TRPM3: variants seen among roughly 807,000 people sequenced by gnomAD.
The protein encoded by TRPM3 is long transient receptor potential channel 3.
TRPM3 carries 77 observed loss-of-function variants against 181.2 expected under a neutral mutation model. The observed-to-expected ratio is 0.42, with a 90% CI of 0.35 to 0.51. TRPM3 has a LOEUF of 0.51. TRPM3 is among the 20% of genes least tolerant of loss of function. The pLI is 0.01. For synonymous variants in TRPM3, 745 were observed against 796.4 expected (o/e 0.94, Z 1.09); for missense variants, 1,759 against 2,196.7 (o/e 0.80, Z 3.98).
chr9:71,415,901 A>T (rs2093630097), intron 1 of TRPM3, among the ~76,000 whole-genome samples: 1 of 151,890 alleles, frequency 6.6e-6, no homozygotes, highest in African/African-American at 2.4e-5. Context: ...AAAAACACTC[A>T]CCCTAAAACT....
At chr9:71,032,049 TTA>T (rs2057485639) in intron 1 of TRPM3, among the ~76,000 whole-genome samples, 1 of 10,222 alleles carries the variant, frequency 9.8e-5, no homozygotes, top group African/African-American at 7.3e-4. Flanking sequence ...TATATATATA[TTA>T]TATATATTAT....
intron 1 of TRPM3, among the ~76,000 whole-genome samples, chr9:71,172,250 A>T (rs2076903347): frequency 6.6e-6 from 1 of 152,030 alleles, no homozygotes; most frequent in Non-Finnish European, 1.5e-5. Flanking sequence ...CTGAGTCTTG[A>T]AACTGTAGAA....
intron 1 of TRPM3, among the ~76,000 whole-genome samples, chr9:70,907,718 T>C (rs2096487202): frequency 6.6e-6 from 1 of 152,160 alleles, no homozygotes; most frequent in Non-Finnish European, 1.5e-5. Context: ...ATCCCCCCTT[T>C]TCAGGATCCT....
At chr9:70,697,785 C>T (rs2071022996) in intron 8 of TRPM3, among the ~76,000 whole-genome samples, 1 of 152,190 alleles carries the variant, frequency 6.6e-6, no homozygotes. Context: ...GTTAATACCA[C>T]TAATGGTATA....
rs2091184461 is a variant in TRPM3, at chr9:71,344,639, A to G, written c.183+102014T>C. 3.3e-5 allele frequency among the ~76,000 whole-genome samples: 5 copies of G among 152,330 alleles called. No individual in the cohort carries two copies. In the South Asian group the frequency reaches 1.0e-3, roughly 32 times the overall value. ...AAAGCTAAGACTATAAAACTTTTAGAAGAAACATAGGACAATATCATCACA... is the reference window on the plus strand; with the variant it reads ...AAAGCTAAGACTATAAAACTTTTAGGAGAAACATAGGACAATATCATCACA... On this transcript the variant is annotated intron_variant, in intron 1 of 24. Transcript: ENST00000357533.
At chr9:70,945,941 A>G (rs996132013) in intron 1 of TRPM3, among the ~76,000 whole-genome samples, 3 of 152,164 alleles carry the variant, frequency 2.0e-5, no homozygotes, top group Non-Finnish European at 4.4e-5. Flanking sequence ...GAAGTATAGT[A>G]CATGAATAAC....
chr9:70,573,671 A>G (rs893126476), intron 22 of TRPM3, among the ~76,000 whole-genome samples: 4 of 152,168 alleles, frequency 2.6e-5, no homozygotes, highest in African/African-American at 7.2e-5. Flanking sequence ...GTTTCCCAAA[A>G]AAAAGGTAAA....
chr9:70,932,978 G>A (rs564606371), intron 1 of TRPM3, among the ~76,000 whole-genome samples: 1 of 152,208 alleles, frequency 6.6e-6, no homozygotes, highest in Non-Finnish European at 1.5e-5. Context: ...ATATTTTAGA[G>A]GTAATTTCAG....
intron 9 of TRPM3, among the ~76,000 whole-genome samples, chr9:70,651,012 G>A (rs528255233): frequency 9.9e-5 from 15 of 151,746 alleles, no homozygotes; most frequent in African/African-American, 2.2e-4. Flanking sequence ...ACTTTTTATC[G>A]CAAAGTTTTT....
chr9:71,177,206 C>T (rs7873451), intron 1 of TRPM3, among the ~76,000 whole-genome samples: 8,447 of 152,100 alleles, frequency 0.056, 271 homozygotes, highest in East Asian at 0.12. Context: ...CCAGATGGGA[C>T]CTTCTAGTTG....
intron 6 of TRPM3, among the ~76,000 whole-genome samples, chr9:70,808,922 A>G (rs1387277997): frequency 6.6e-6 from 1 of 152,214 alleles, no homozygotes; most frequent in Non-Finnish European, 1.5e-5. Flanking sequence ...GCATAATGAC[A>G]CTTTGGTCAA....
chr9:71,163,169 C>G (rs758247422), intron 1 of TRPM3, among the ~76,000 whole-genome samples: 5 of 152,118 alleles, frequency 3.3e-5, no homozygotes, highest in African/African-American at 4.8e-5. Flanking sequence ...AAAAATTCAC[C>G]TTGGAAGCTT....
intron 1 of TRPM3, among the ~76,000 whole-genome samples, chr9:70,876,312 G>GAT: frequency 7.6e-6 from 1 of 131,044 alleles, no homozygotes; most frequent in African/African-American, 3.0e-5. Flanking sequence ...TACATATATA[G>GAT]ACATATATAT....
At chr9:70,887,720 A>G (rs1361028) in intron 1 of TRPM3, among the ~76,000 whole-genome samples, 30,628 of 152,068 alleles carry the variant, frequency 0.2, 3,344 homozygotes, top group East Asian at 0.36. Flanking sequence ...TGTGGGTTTC[A>G]ACATCTGTTT....
At chr9:71,106,913 C>T (rs77829839) in intron 1 of TRPM3, among the ~76,000 whole-genome samples, 6,557 of 152,128 alleles carry the variant, frequency 0.043, 225 homozygotes, top group African/African-American at 0.092. Flanking sequence ...ACAGTGTAAC[C>T]CTCTTAATAG....
intron 1 of TRPM3, among the ~76,000 whole-genome samples, chr9:70,904,372 A>G (rs1467376664): frequency 6.6e-6 from 1 of 152,258 alleles, no homozygotes; most frequent in Non-Finnish European, 1.5e-5. Context: ...TTTTAATTAA[A>G]GAAACACAAC....
At chr9:71,280,414 C>A (rs1454964667) in intron 1 of TRPM3, among the ~76,000 whole-genome samples, 1 of 151,976 alleles carries the variant, frequency 6.6e-6, no homozygotes, top group Non-Finnish European at 1.5e-5. Flanking sequence ...ATGTGTGATG[C>A]TATGACAAGT....
intron 17 of TRPM3, among the ~76,000 whole-genome samples, chr9:70,616,817 C>T (rs1023139737): frequency 1.2e-4 from 19 of 152,116 alleles, no homozygotes; most frequent in Admixed American, 3.9e-4. Flanking sequence ...TAAATCTATG[C>T]AAGGACACTA....
intron 4 of TRPM3, 125 bp from the exon 5 acceptor site, chr9:70,843,252 T>C: frequency 9.8e-7 from 1 of 1,020,314 alleles, no homozygotes. Context: ...TTTGACACAT[T>C]TCTATACAAA....
Sources: allele counts gnomAD v4.1 joint callset (sites outside exome capture counted in the v4.1 genomes callset), GRCh38; gene constraint gnomAD v4.1.1; transcripts MANE v1.5; gene names NCBI Gene and HGNC (gene_info 2026-07-23, HGNC 2026-07-21).